Variants in TRPM6 observed in about 807,000 individuals in gnomAD.
The protein encoded by TRPM6 is transient receptor potential cation channel subfamily M member 6.
In TRPM6, 111 loss-of-function variants were observed where a neutral mutation model predicts 247.6. That is an observed-to-expected ratio of 0.45 (90% CI 0.38 to 0.52). TRPM6 has a LOEUF of 0.52. TRPM6 is among the 20% of genes least tolerant of loss of function. The pLI is 0.00. For synonymous variants in TRPM6, 892 were observed against 853.8 expected (o/e 1.04, Z -0.78); for missense variants, 2,126 against 2,421.5 (o/e 0.88, Z 2.56).
chr9:74,836,254 C>G (rs1052376964), intron 5 of TRPM6, among the ~76,000 whole-genome samples: 2 of 152,170 alleles, frequency 1.3e-5, no homozygotes, highest in Non-Finnish European at 2.9e-5. Context: ...CTTGATCTGA[C>G]CTTTAAATCA....
At chr9:74,785,086 G>A (rs1376359394) in intron 21 of TRPM6, among the ~76,000 whole-genome samples, 3 of 152,116 alleles carry the variant, frequency 2.0e-5, no homozygotes, top group Non-Finnish European at 1.5e-5. Flanking sequence ...CAGCCTAGGT[G>A]ACAGAGCAAG....
rs540711554 is a variant in TRPM6 at position 74,728,490 on chromosome 9, CAAT to C, written c.5829-148_5829-146del. ...AAAACAGAGCACTTTGGGGAAACAACAATGTTAGGTTTGCAAATTTAAAATTCA... is the reference window on the plus strand; with the variant it reads ...AAAACAGAGCACTTTGGGGAAACAACGTTAGGTTTGCAAATTTAAAATTCA... On this transcript the variant is annotated intron_variant, in intron 37 of 38. Coordinates refer to ENST00000360774, the MANE Select transcript of TRPM6 (RefSeq NM_017662.5). The C allele has an allele frequency of 1.0e-3, 691 of 676,752 alleles. 1 individual carries two copies. The highest frequency in any genetic ancestry group is 1.4e-3 in the Non-Finnish European group (535 of 379,268). The allele number at this position is 676,752 out of a possible 1,614,324, so 41.9% of individuals were successfully genotyped here.
intron 3 of TRPM6, among the ~76,000 whole-genome samples, chr9:74,849,813 T>A (rs1490164981): frequency 6.6e-6 from 1 of 152,212 alleles, no homozygotes; most frequent in Non-Finnish European, 1.5e-5. Flanking sequence ...TGCAAATCTC[T>A]ACTCTCCCAA....
At chr9:74,861,311 C>T (rs1830683991) in intron 1 of TRPM6, among the ~76,000 whole-genome samples, 1 of 152,116 alleles carries the variant, frequency 6.6e-6, no homozygotes, top group Admixed American at 6.5e-5. Flanking sequence ...GACAAAGTTC[C>T]TGCTCTCAAG....
chr9:74,845,848 A>C (rs1830092421), intron 3 of TRPM6, among the ~76,000 whole-genome samples: 1 of 152,156 alleles, frequency 6.6e-6, no homozygotes, highest in Admixed American at 6.6e-5. Flanking sequence ...AAAAGTAAGA[A>C]TAATTTATCA....
intron 21 of TRPM6, among the ~76,000 whole-genome samples, chr9:74,783,379 A>G (rs1217910999): frequency 6.6e-6 from 1 of 152,166 alleles, no homozygotes; most frequent in Non-Finnish European, 1.5e-5. Flanking sequence ...CATTATTTCA[A>G]GAGCTACTCT....
At chr9:74,819,904 T>A (rs1333166804) in intron 9 of TRPM6, among the ~76,000 whole-genome samples, 1 of 152,202 alleles carries the variant, frequency 6.6e-6, no homozygotes, top group Non-Finnish European at 1.5e-5. Flanking sequence ...CAGCAAGAAG[T>A]CAAGTTTACT....
Position 74,816,876 on chromosome 9 carries a change from C to G in TRPM6, c.1207+16G>C, listed in dbSNP as rs1828953301. 1.1e-5 allele frequency: 17 copies of G among 1,613,602 alleles called. No individual in the cohort carries two copies. Among genetic ancestry groups the G allele is most frequent in the Non-Finnish European group, 1.4e-5 (17 of 1,179,562 alleles). On this transcript the variant is annotated intron_variant, in intron 10 of 38. Coordinates refer to ENST00000360774, the MANE Select transcript of TRPM6 (RefSeq NM_017662.5). Reference sequence around the variant, plus strand: ...GCGTAAATGAGGAACAATTGCAACCCCATCCAGATACTCACCCTTCAGCAA... The same window carrying G: ...GCGTAAATGAGGAACAATTGCAACCGCATCCAGATACTCACCCTTCAGCAA...
In TRPM6 at chr9:74,761,669, TAA is replaced by T. The variant is rs745870859; in HGVS notation, c.4785+25_4785+26del. On this transcript the variant is annotated intron_variant, in intron 27 of 38. Coordinates refer to ENST00000360774, the MANE Select transcript of TRPM6 (RefSeq NM_017662.5). ...GCCACTACCTTGACTGCTCAAAACC[TAA>T]AAGACAGAATAACAGTACACTTACT... 595 of 1,465,078 alleles carry T rather than the reference TAA, an allele frequency of 4.1e-4. 3 individuals carry two copies. The highest frequency in any genetic ancestry group is 2.4e-5 in the Non-Finnish European group (25 of 1,045,582). The allele number at this position is 1,465,078 out of a possible 1,614,324, so 90.8% of individuals were successfully genotyped here.
intron 24 of TRPM6, among the ~76,000 whole-genome samples, chr9:74,772,876 C>A (rs766051560): frequency 4.6e-5 from 7 of 152,144 alleles, no homozygotes; most frequent in Non-Finnish European, 7.4e-5. Context: ...TTTCCTCTCT[C>A]GGCTTTGGAG....
intron 1 of TRPM6, among the ~76,000 whole-genome samples, chr9:74,877,760 C>G (rs942423044): frequency 2.0e-5 from 3 of 152,208 alleles, no homozygotes; most frequent in Non-Finnish European, 2.9e-5. Flanking sequence ...GCCAAGCTAG[C>G]TTTCCCCTGC....
In TRPM6 at chr9:74,856,467, C is replaced by CTCTGTG. The variant is rs1554729651; in HGVS notation, c.114-903_114-902insCACAGA. On this transcript the variant is annotated intron_variant, in intron 2 of 38. Coordinates refer to ENST00000360774, the MANE Select transcript of TRPM6 (RefSeq NM_017662.5). ...AATATGTGTGTGTGTGTGTGTGTGT[C>CTCTGTG]TGTGTGTGTGTGTGTGTGTGTGAAG... is the stretch of plus-strand genomic sequence containing the variant. Among the ~76,000 whole-genome samples, 606 of 147,822 alleles carry CTCTGTG rather than the reference C, an allele frequency of 4.1e-3. 4 individuals carry two copies. The highest frequency in any genetic ancestry group is 0.015 in the African/African-American group (587 of 40,292).
At chr9:74,850,423 T>G (rs1051310860) in intron 3 of TRPM6, among the ~76,000 whole-genome samples, 2 of 147,184 alleles carry the variant, frequency 1.4e-5, no homozygotes, top group Non-Finnish European at 3.0e-5. Flanking sequence ...TCTGTGTATG[T>G]AAAAACCAAC....
intron 23 of TRPM6, among the ~76,000 whole-genome samples, chr9:74,782,003 T>C (rs1443169286): frequency 6.6e-6 from 1 of 152,126 alleles, no homozygotes; most frequent in Non-Finnish European, 1.5e-5. Flanking sequence ...TAATACTATA[T>C]TAGGTATTAT....
At chr9:74,811,579 A>G (rs1828730737) in intron 12 of TRPM6, among the ~76,000 whole-genome samples, 2 of 152,254 alleles carry the variant, frequency 1.3e-5, no homozygotes, top group Admixed American at 1.3e-4. Flanking sequence ...TTAGGTTGAG[A>G]TACTTCCAAT....
At chr9:74,868,219 G>A (rs916815816) in intron 1 of TRPM6, among the ~76,000 whole-genome samples, 1 of 150,604 alleles carries the variant, frequency 6.6e-6, no homozygotes, top group Non-Finnish European at 1.5e-5. Context: ...GTCCCGCCGG[G>A]TGTGGTGGCT....
intron 9 of TRPM6, among the ~76,000 whole-genome samples, chr9:74,817,446 C>A (rs895102293): frequency 2.0e-5 from 3 of 152,340 alleles, no homozygotes; most frequent in Admixed American, 2.0e-4. Flanking sequence ...CGGTCTCAGC[C>A]TCCCAAAGTG....
At chr9:74,791,948 G>A (rs1426146739) in intron 19 of TRPM6, among the ~76,000 whole-genome samples, 3 of 152,006 alleles carry the variant, frequency 2.0e-5, no homozygotes, top group Non-Finnish European at 2.9e-5. Flanking sequence ...TAGTAGAGAC[G>A]GGGTTTCACC....
Position 74,761,721 on chromosome 9 carries a change from T to C in TRPM6, c.4760A>G (p.Lys1587Arg), listed in dbSNP as rs1564001705. Residue 1587 changes from lysine (K) to arginine (R), a missense_variant, in exon 27 of 39, where the codon AAG becomes AGG. Around this residue, in one of 3 missense-constraint regions of TRPM6, gnomAD observed 717 missense variants for 715.9 expected, o/e 1.00. Transcript: ENST00000360774. ...TGGCACCTGGAGTCCTTGAGTATTC[T>C]TCTTTTTCTTTGACAGTCTCCTGTC... ...TKDRRLSKKK[K>R]NTQGLQVPII... 1.2e-6 allele frequency: 2 copies of C among 1,613,302 alleles called. No homozygotes were observed. Among genetic ancestry groups the C allele is most frequent in the Non-Finnish European group, 1.7e-6 (2 of 1,179,274 alleles).
Sources: allele counts gnomAD v4.1 joint callset (sites outside exome capture counted in the v4.1 genomes callset), GRCh38; gene constraint gnomAD v4.1.1; regional missense constraint gnomAD v4.1.1; transcripts MANE v1.5; gene names NCBI Gene and HGNC (gene_info 2026-07-23, HGNC 2026-07-21).